The following CDC40 variants were observed in gnomAD, a reference collection of about 807,000 sequenced individuals.
The protein encoded by CDC40 is pre-mRNA-processing factor 17.
CDC40 carries 27 observed loss-of-function variants against 80.6 expected under a neutral mutation model. That is an observed-to-expected ratio of 0.33 (90% CI 0.25 to 0.46). The LOEUF (loss-of-function observed/expected upper bound fraction) is 0.46. Among genes scored for constraint, CDC40 ranks in the 20% least tolerant of loss-of-function variants. The probability of loss-of-function intolerance (pLI) is 1.00; values close to 1 mark genes in which losing one functional copy is unlikely to be tolerated. For synonymous variants in CDC40, 221 were observed against 232.6 expected, an observed-to-expected ratio of 0.95 and a Z score of 0.45; for missense variants, 486 against 694.1, an observed-to-expected ratio of 0.70 and a Z score of 3.37.
intron 1 of CDC40, among the ~76,000 whole-genome samples, chr6:110,191,504 AAT>A (rs749070780): frequency 6.6e-5 from 10 of 152,158 alleles, no homozygotes; most frequent in Non-Finnish European, 1.3e-4. Context: ...AGAGAGAGAT[AAT>A]ATATATATCC....
chr6:110,209,063 A>ATTTTT, intron 4 of CDC40, 21 bp from the exon 5 acceptor site: 3 of 1,247,396 alleles, frequency 2.4e-6, no homozygotes, highest in African/African-American at 1.6e-5. Flanking sequence ...TTTTTTTTTA[A>ATTTTT]TTTTTTTTTT....
At chr6:110,186,144 T>C (rs1214522145) in intron 1 of CDC40, among the ~76,000 whole-genome samples, 1 of 152,232 alleles carries the variant, frequency 6.6e-6, no homozygotes, top group East Asian at 1.9e-4. Context: ...TGAATGATGA[T>C]GATTCTTACA....
chr6:110,218,788 A>T (rs1777731237), intron 10 of CDC40, among the ~76,000 whole-genome samples: 1 of 151,870 alleles, frequency 6.6e-6, no homozygotes, highest in Non-Finnish European at 1.5e-5. Flanking sequence ...ATACACATAC[A>T]GTAAAATGTA....
intron 13 of CDC40, among the ~76,000 whole-genome samples, chr6:110,228,167 C>A (rs940758173): frequency 2.0e-5 from 3 of 152,102 alleles, no homozygotes; most frequent in Non-Finnish European, 4.4e-5. Flanking sequence ...AGAAAAGGTA[C>A]AGTAAAATCT....
intron 3 of CDC40, among the ~76,000 whole-genome samples, chr6:110,206,920 T>G (rs889230283): frequency 6.6e-6 from 1 of 152,232 alleles, no homozygotes. Flanking sequence ...TAATGTAATG[T>G]CAGTATGCAA....
At position 110,201,580 on chromosome 6, in the gene CDC40, G is replaced by A. The variant is rs992837995; in HGVS notation, c.299G>A (p.Arg100Lys). The change falls in exon 3 of 15, where the codon AGG becomes AAG. Residue 100 changes from arginine to lysine, a missense_variant. Transcript: ENST00000307731. ...CAGTTTGGACCAGAAAATCCCTTTAGGACACAGCAAATGGCTGCCCCTAGA... is the reference window on the plus strand; with the variant it reads ...CAGTTTGGACCAGAAAATCCCTTTAAGACACAGCAAATGGCTGCCCCTAGA... ...APEFGPENPF[R>K]TQQMAAPRNM... The A allele has an allele frequency of 1.2e-6, 2 of 1,609,478 alleles. No individual in the cohort carries two copies. Among genetic ancestry groups the A allele is most frequent in the Non-Finnish European group, 1.7e-6 (2 of 1,176,996 alleles).
intron 1 of CDC40, among the ~76,000 whole-genome samples, chr6:110,189,454 T>C (rs1777317404): frequency 6.6e-6 from 1 of 152,200 alleles, no homozygotes; most frequent in African/African-American, 2.4e-5. Flanking sequence ...ATGCTTGCTT[T>C]ATAAATTTGC....
chr6:110,217,011 G>A (rs1777709622), intron 9 of CDC40, among the ~76,000 whole-genome samples: 2 of 152,168 alleles, frequency 1.3e-5, no homozygotes, highest in Admixed American at 1.3e-4. Context: ...AAAAGCTGAG[G>A]TGGGTGGATC....
chr6:110,228,036 G>A (rs1441665520), intron 13 of CDC40, among the ~76,000 whole-genome samples: 1 of 152,136 alleles, frequency 6.6e-6, no homozygotes, highest in Admixed American at 6.5e-5. Flanking sequence ...AAACCTAGAT[G>A]GTATAGTCTA....
Position 110,180,525 on chromosome 6 carries a change from T to C in CDC40, c.81T>C (p.Ser27=). ...GSESDSDSES[S]RCPLPAADSL... ...AATCGGACTCGGACAGTGAGAGCAG[T>C]CGGTGTCCGCTGCCAGCCGCCGACT... is the stretch of plus-strand genomic sequence containing the variant. Residue 27 remains serine, a synonymous_variant, in exon 1 of 15, where the codon AGT becomes AGC. Transcript: ENST00000307731. 1 of 1,614,212 alleles carries C rather than the reference T, an allele frequency of 6.2e-7. No homozygotes were observed. The highest frequency in any genetic ancestry group is 8.5e-7 in the Non-Finnish European group (1 of 1,180,032).
intron 2 of CDC40, among the ~76,000 whole-genome samples, chr6:110,197,916 G>T (rs565472451): frequency 6.6e-6 from 1 of 152,086 alleles, no homozygotes; most frequent in African/African-American, 2.4e-5. Flanking sequence ...ATACCCACTT[G>T]TAAAATTGCT....
intron 12 of CDC40, among the ~76,000 whole-genome samples, chr6:110,222,140 A>G (rs527366829): frequency 1.3e-5 from 2 of 152,252 alleles, no homozygotes; most frequent in Admixed American, 1.3e-4. Context: ...CTGTAGTCCC[A>G]GCTACTCGGG....
rs1777375825 is a variant in CDC40, at chr6:110,193,298, T to G, written c.276+30T>G. 8 of 1,301,726 alleles carry G rather than the reference T, an allele frequency of 6.1e-6. No homozygotes were observed. The South Asian group carries it at 9.7e-5, about 16-fold the overall frequency. The allele number at this position is 1,301,726 out of a possible 1,614,324, so 80.6% of individuals were successfully genotyped here. On this transcript the variant is annotated intron_variant, in intron 2 of 14. Transcript: ENST00000307731. ...GAAAACATACTTAAGGTTCTGACTT[T>G]TGCTAAAGAATTTAAATCATAGTAG...
chr6:110,195,961 A>G (rs1777414128), intron 2 of CDC40, among the ~76,000 whole-genome samples: 1 of 152,186 alleles, frequency 6.6e-6, no homozygotes, highest in Non-Finnish European at 1.5e-5. Flanking sequence ...AAGAAGGTTT[A>G]TTTGGTATGC....
At position 110,209,179 on chromosome 6, in the gene CDC40, T is replaced by C; in HGVS notation, c.586T>C (p.Trp196Arg). Residue 196 changes from tryptophan to arginine, a missense_variant, in exon 5 of 15, where the codon TGG (tryptophan) becomes CGG (arginine). Coordinates refer to ENST00000307731, the MANE Select transcript of CDC40 (RefSeq NM_015891.3). ...ASNIDGFLGP[W>R]AKYVDEKDVA... ...CAATATTGATGGTTTTTTGGGACCA[T>C]GGGCAAAATATGTGGATGAAAAAGA... The C allele has an allele frequency of 6.2e-7, 1 of 1,612,698 alleles. No individual in the cohort carries two copies. The highest frequency in any genetic ancestry group is 8.5e-7 in the Non-Finnish European group (1 of 1,178,952).
At chr6:110,187,825 C>G (rs1354991486) in intron 1 of CDC40, among the ~76,000 whole-genome samples, 1 of 152,190 alleles carries the variant, frequency 6.6e-6, no homozygotes, top group Non-Finnish European at 1.5e-5. Context: ...GGGTGCCCTT[C>G]ACTTACTGCA....
chr6:110,197,045 G>C (rs539922328), intron 2 of CDC40, among the ~76,000 whole-genome samples: 32 of 152,084 alleles, frequency 2.1e-4, no homozygotes, highest in African/African-American at 7.7e-4. Context: ...TTCCTGCAAT[G>C]TTATAATATG....
chr6:110,181,053 C>T (rs979200267), intron 1 of CDC40, among the ~76,000 whole-genome samples: 2 of 152,206 alleles, frequency 1.3e-5, no homozygotes, highest in Non-Finnish European at 2.9e-5. Flanking sequence ...TGAACTTGGA[C>T]AAGTTATGCA....
At chr6:110,217,937 T>C (rs898710361) in intron 10 of CDC40, 134 bp downstream of exon 10, 2 of 536,474 alleles carry the variant, frequency 3.7e-6, no homozygotes, top group Non-Finnish European at 6.7e-6. Context: ...TCAGCAAATA[T>C]CACAAAATAC....
Sources: gnomAD v4.1 joint callset for allele counts (sites outside exome capture counted in the v4.1 genomes callset) on GRCh38, gnomAD v4.1.1 for gene constraint, MANE v1.5 for transcripts, NCBI Gene and HGNC (gene_info 2026-07-23, HGNC 2026-07-21) for gene names.